PPFIBP1: variants seen among roughly 807,000 people sequenced by gnomAD.
The protein encoded by PPFIBP1 is liprin-beta-1.
Under a neutral mutation model 137.8 loss-of-function variants are expected in PPFIBP1, and 112 were observed. The observed-to-expected ratio is 0.81, with a 90% CI of 0.70 to 0.95. PPFIBP1 has a LOEUF of 0.95. Among genes scored for constraint, PPFIBP1 ranks in the 40% least tolerant of loss-of-function variants. PPFIBP1 has a pLI of 0.00. For missense variants in PPFIBP1, 1,083 were observed against 1,196.6 expected (o/e 0.91, Z 1.40); for synonymous variants, 378 against 417.3 (o/e 0.91, Z 1.15).
chr12:27,687,624 C>A, intron 25 of PPFIBP1, 117 bp downstream of exon 25: 1 of 1,215,388 alleles, frequency 8.2e-7, no homozygotes, highest in Non-Finnish European at 1.1e-6. Context: ...AAAATCCAGC[C>A]TCATTTACTT....
chr12:27,658,879 A>C lies in PPFIBP1; in HGVS notation c.844+31A>C, dbSNP rs11049083. The C allele has an allele frequency of 3.5e-3, 5,570 of 1,593,724 alleles. 301 individuals carry two copies. The East Asian group carries it at 0.11, about 32-fold the overall frequency. On this transcript the variant is annotated intron_variant, in intron 10 of 29. Transcript: ENST00000228425. ...GTTTGGTGCATTTCCATCAGCCTTT[A>C]CATTCACCAAAAATACTACCTTGGA... is the stretch of plus-strand genomic sequence containing the variant.
At chr12:27,555,859 A>G (rs1201575347) in intron 1 of PPFIBP1, among the ~76,000 whole-genome samples, 2 of 152,246 alleles carry the variant, frequency 1.3e-5, no homozygotes, top group Non-Finnish European at 2.9e-5. Context: ...ACATAAAATT[A>G]TAGCTTAAAT....
intron 2 of PPFIBP1, among the ~76,000 whole-genome samples, chr12:27,589,705 A>G (rs1444507977): frequency 6.6e-6 from 1 of 152,198 alleles, no homozygotes; most frequent in Non-Finnish European, 1.5e-5. Context: ...TTCAGTGTAG[A>G]CAGTCTTCTA....
chr12:27,672,895 T>C (rs565945372), intron 15 of PPFIBP1, among the ~76,000 whole-genome samples: 1 of 152,298 alleles, frequency 6.6e-6, no homozygotes, highest in East Asian at 1.9e-4. Context: ...TGACCTAATA[T>C]CTGTGTTTAT....
At chr12:27,550,991 A>ATATTTTT (rs375148048) in intron 1 of PPFIBP1, among the ~76,000 whole-genome samples, 21 of 136,714 alleles carry the variant, frequency 1.5e-4, no homozygotes, top group Non-Finnish European at 2.5e-4. Context: ...ATATATATAT[A>ATATTTTT]TTTTTTTTTT....
intron 2 of PPFIBP1, among the ~76,000 whole-genome samples, chr12:27,585,536 C>T (rs778633683): frequency 1.3e-5 from 2 of 152,212 alleles, no homozygotes; most frequent in Non-Finnish European, 2.9e-5. Context: ...TATCATGGAG[C>T]TACTGTGTAC....
intron 2 of PPFIBP1, among the ~76,000 whole-genome samples, chr12:27,590,332 T>C (rs2052344687): frequency 6.6e-6 from 1 of 152,050 alleles, no homozygotes; most frequent in Admixed American, 6.6e-5. Context: ...CCTGCCACCA[T>C]ACCTGGCTAA....
Position 27,667,255 on chromosome 12 carries a change from C to T in PPFIBP1, c.1081C>T (p.Pro361Ser), listed in dbSNP as rs1256669156. ...GGGTTTCAGTGATCTGGAGAAAAGTCCATCACCCACTCCAGTAATGGGATC... is the reference window on the plus strand; with the variant it reads ...GGGTTTCAGTGATCTGGAGAAAAGTTCATCACCCACTCCAGTAATGGGATC... ...AQGFSDLEKSPSPTPVMGSPS... is the reference protein window; with the variant it reads ...AQGFSDLEKSSSPTPVMGSPS... Residue 361 changes from proline to serine, a missense_variant, in exon 13 of 30, where the codon CCA (proline) becomes TCA (serine). Coordinates refer to ENST00000228425, the MANE Select transcript of PPFIBP1 (RefSeq NM_003622.4). The T allele has an allele frequency of 6.2e-7, 1 of 1,613,664 alleles. No individual in the cohort carries two copies. Among genetic ancestry groups the T allele is most frequent in the Non-Finnish European group, 8.5e-7 (1 of 1,179,798 alleles).
At chr12:27,611,720 T>G (rs1258517954) in intron 2 of PPFIBP1, among the ~76,000 whole-genome samples, 1 of 152,186 alleles carries the variant, frequency 6.6e-6, no homozygotes, top group Non-Finnish European at 1.5e-5. Context: ...TAGTTGAATT[T>G]TATTTCTTTT....
chr12:27,585,463 A>C (rs1395901316), intron 2 of PPFIBP1, among the ~76,000 whole-genome samples: 1 of 152,208 alleles, frequency 6.6e-6, no homozygotes, highest in Admixed American at 6.5e-5. Flanking sequence ...AATGACATTC[A>C]CTTTCAGATG....
chr12:27,646,359 G>C, intron 5 of PPFIBP1: 1 of 582,824 alleles, frequency 1.7e-6, no homozygotes, highest in South Asian at 1.5e-5. Context: ...ATCATCCTCA[G>C]CTCTTGCAGG....
rs140731796 is a variant in PPFIBP1 at position 27,577,573 on chromosome 12, G to A, written c.-123-579G>A. On this transcript the variant is annotated intron_variant, in intron 1 of 29. Coordinates refer to ENST00000228425, the MANE Select transcript of PPFIBP1 (RefSeq NM_003622.4). ...TAGTACCAAAATATATTTTATTACTGTATCATGGTGAGGATATATGTTCCT... is the reference window on the plus strand; with the variant it reads ...TAGTACCAAAATATATTTTATTACTATATCATGGTGAGGATATATGTTCCT... 2.7e-3 allele frequency among the ~76,000 whole-genome samples: 405 copies of A among 152,256 alleles called. 1 individual carries two copies. The highest frequency in any genetic ancestry group is 9.0e-3 in the African/African-American group (373 of 41,548).
intron 2 of PPFIBP1, among the ~76,000 whole-genome samples, chr12:27,605,814 A>T (rs549805695): frequency 2.9e-4 from 44 of 152,308 alleles, no homozygotes; most frequent in African/African-American, 6.7e-4. Flanking sequence ...ATCAATTTTT[A>T]AAAAATTCCT....
chr12:27,563,820 T>C (rs1382669458), intron 1 of PPFIBP1, among the ~76,000 whole-genome samples: 1 of 151,906 alleles, frequency 6.6e-6, no homozygotes, highest in African/African-American at 2.4e-5. Flanking sequence ...TTAAGGAATA[T>C]GCAGACCCCA....
intron 12 of PPFIBP1, among the ~76,000 whole-genome samples, chr12:27,666,824 A>T (rs1423307733): frequency 6.6e-6 from 1 of 152,254 alleles, no homozygotes; most frequent in Non-Finnish European, 1.5e-5. Context: ...TTTCTACACT[A>T]AAATTTGTAA....
At chr12:27,572,904 A>G (rs1167321678) in intron 1 of PPFIBP1, among the ~76,000 whole-genome samples, 1 of 152,180 alleles carries the variant, frequency 6.6e-6, no homozygotes, top group Non-Finnish European at 1.5e-5. Context: ...ACTTTCTTGT[A>G]CCACTTGATC....
At chr12:27,644,752 T>C (rs1201184189) in intron 4 of PPFIBP1, among the ~76,000 whole-genome samples, 1 of 152,212 alleles carries the variant, frequency 6.6e-6, no homozygotes, top group East Asian at 1.9e-4. Context: ...ATTGTAGAGG[T>C]ATGTGGCAAA....
intron 3 of PPFIBP1, among the ~76,000 whole-genome samples, chr12:27,633,835 C>CTTT (rs56705005): frequency 0.17 from 18,833 of 112,688 alleles, 1,995 homozygotes; most frequent in East Asian, 0.24. Context: ...ACTCCCGTAT[C>CTTT]TTTTTTTTTT....
intron 1 of PPFIBP1, among the ~76,000 whole-genome samples, chr12:27,571,162 C>T (rs1565790398): frequency 6.6e-6 from 1 of 152,072 alleles, no homozygotes; most frequent in Non-Finnish European, 1.5e-5. Flanking sequence ...TATTGGTAAC[C>T]ACTCCTGTAA....
Sources: allele counts gnomAD v4.1 joint callset (sites outside exome capture counted in the v4.1 genomes callset), GRCh38; gene constraint gnomAD v4.1.1; transcripts MANE v1.5; gene names NCBI Gene and HGNC (gene_info 2026-07-23, HGNC 2026-07-21).